DNM1: variants seen among roughly 807,000 people sequenced by gnomAD.
DNM1 encodes the protein dynamin-1.
DNM1 carries 29 observed loss-of-function variants against 104.6 expected under a neutral mutation model. The ratio of observed to expected loss-of-function variants is 0.28; its 90% CI spans 0.21 to 0.38. DNM1 has a LOEUF of 0.38. Ranked by LOEUF, DNM1 falls within the 10% of genes least tolerant of loss-of-function variation. The probability of loss-of-function intolerance (pLI) is 1.00; values close to 1 mark genes in which losing one functional copy is unlikely to be tolerated. For synonymous variants in DNM1, 445 were observed against 475.8 expected (o/e 0.94, Z 0.84); for missense variants, 640 against 1,189.4 (o/e 0.54, Z 6.79).
At chr9:128,246,547 A>G (rs1251929379) in intron 16 of DNM1, 44 bp downstream of exon 16, 1 of 1,446,018 alleles carries the variant, frequency 6.9e-7, no homozygotes, top group Non-Finnish European at 9.7e-7. Flanking sequence ...CCCCAAAACC[A>G]CCCTCACTGA....
Position 128,240,288 on chromosome 9 carries a change from A to G in DNM1, c.1557+292A>G, listed in dbSNP as rs1836284426. 4.4e-6 allele frequency: 2 copies of G among 450,988 alleles called. No homozygotes were observed. Among genetic ancestry groups the G allele is most frequent in the Non-Finnish European group, 4.0e-6 (1 of 249,966 alleles). The allele number at this position is 450,988 out of a possible 1,614,324, so 27.9% of individuals were successfully genotyped here. A position where few individuals can be genotyped will look rare whatever the true frequency, so the allele number is the denominator to read the frequency against. ...TAGGTGCTCCTTAAACATCTGCTGGATGGAGGGATGCACGTGAGCAAGACA... is the reference window on the plus strand; with the variant it reads ...TAGGTGCTCCTTAAACATCTGCTGGGTGGAGGGATGCACGTGAGCAAGACA... On this transcript the variant is annotated intron_variant, in intron 14 of 21. Coordinates refer to ENST00000372923, the MANE Select transcript of DNM1 (RefSeq NM_004408.4). The surrounding 1 kb of genome is among the most constrained non-coding windows in gnomAD (Gnocchi z 5.1).
rs1554773878 is a variant in DNM1 at position 128,220,885 on chromosome 9, T to TTTCTTTC, written c.849+546_849+547insCTTTCTT. ...CCTCTATTTCTTTTTTCTTTATTTG[T>TTTCTTTC]TTTCTTTCTTTCTTTCTTTCTTTCT... On this transcript the variant is annotated intron_variant, in intron 6 of 21. Transcript: ENST00000372923. The surrounding 1 kb of genome is among the most constrained non-coding windows in gnomAD (Gnocchi z 5.2). Among the ~76,000 whole-genome samples, 2 of 117,526 alleles carry TTTCTTTC rather than the reference T, an allele frequency of 1.7e-5. No individual in the cohort carries two copies. Among genetic ancestry groups the TTTCTTTC allele is most frequent in the Non-Finnish European group, 3.5e-5 (2 of 56,702 alleles). The allele number at this position is 117,526 out of a possible 152,430, so 77.1% of individuals were successfully genotyped here.
chr9:128,216,418 C>G lies in DNM1; in HGVS notation c.162-1813C>G, dbSNP rs552343376. On this transcript the variant is annotated intron_variant, in intron 1 of 21. Transcript: ENST00000372923. ...TAATCTCTATATCAGAGCACAGATT[C>G]GAGGACTTGGAGATTCAATCAGAAT... Among the ~76,000 whole-genome samples, 6 of 152,310 alleles carry G rather than the reference C, an allele frequency of 3.9e-5. No individual in the cohort carries two copies. In the East Asian group the frequency reaches 9.6e-4, roughly 24 times the overall value.
rs779399688 is a variant in DNM1 at position 128,247,896 on chromosome 9, T to C, written c.1894-28T>C. The C allele has an allele frequency of 2.5e-6, 4 of 1,612,128 alleles. No homozygotes were observed. The highest frequency in any genetic ancestry group is 3.4e-6 in the Non-Finnish European group (4 of 1,178,788). On this transcript the variant is annotated intron_variant, in intron 17 of 21. Coordinates refer to ENST00000372923, the MANE Select transcript of DNM1 (RefSeq NM_004408.4). The surrounding 1 kb of genome is among the most constrained non-coding windows in gnomAD (Gnocchi z 5.1). ...CTGTGCTCCCTGGTGGTGGCGGCGGTGGCAATGTTGGTGTGTGGGCCTCCC... is the reference window on the plus strand; with the variant it reads ...CTGTGCTCCCTGGTGGTGGCGGCGGCGGCAATGTTGGTGTGTGGGCCTCCC...
At chr9:128,205,445 G>A (rs1042825828) in intron 1 of DNM1, among the ~76,000 whole-genome samples, 3 of 152,300 alleles carry the variant, frequency 2.0e-5, no homozygotes, top group African/African-American at 7.2e-5. Flanking sequence ...TCCTACAGAT[G>A]AGGAAACTGA....
intron 20 of DNM1, 93 bp downstream of exon 20, chr9:128,250,449 G>C: frequency 3.0e-6 from 4 of 1,352,232 alleles, no homozygotes; most frequent in African/African-American, 1.5e-5. Context: ...CCGCGTCACC[G>C]GGGTGGCTCC....
rs1422430948 is a variant in DNM1, at chr9:128,240,673, C to T, written c.1557+677C>T. The T allele has an allele frequency of 2.0e-5, 3 of 152,612 alleles. No individual in the cohort carries two copies. The highest frequency in any genetic ancestry group is 4.4e-5 in the Non-Finnish European group (3 of 68,378). 9.5% of individuals were successfully genotyped at this position (152,612 alleles called of 1,614,324 possible). A position where few individuals can be genotyped will look rare whatever the true frequency, so the allele number is the denominator to read the frequency against. Reference sequence around the variant, plus strand: ...AGCCTGGCACGCAGTAGGTGCTCAACAGAATGAAGGGAGGAATGAATGTAG... The same window carrying T: ...AGCCTGGCACGCAGTAGGTGCTCAATAGAATGAAGGGAGGAATGAATGTAG... On this transcript the variant is annotated intron_variant, in intron 14 of 21. Coordinates refer to ENST00000372923, the MANE Select transcript of DNM1 (RefSeq NM_004408.4). This position sits in a 1 kb window ranked among gnomAD's most constrained non-coding sequence, Gnocchi z 5.1.
intron 16 of DNM1, 110 bp downstream of exon 16, chr9:128,246,613 G>A: frequency 1.4e-6 from 1 of 735,072 alleles, no homozygotes; most frequent in Non-Finnish European, 2.4e-6. Flanking sequence ...AGGCCCCACA[G>A]CAAGCCATCC....
chr9:128,207,979 C>T (rs1028205380), intron 1 of DNM1, among the ~76,000 whole-genome samples: 2 of 152,132 alleles, frequency 1.3e-5, no homozygotes, highest in East Asian at 1.9e-4. Flanking sequence ...TAGGTTTCCC[C>T]GTAACTCTGC....
rs1834789165 is a variant in DNM1, at chr9:128,219,101, G to A, written c.438G>A (p.Gly146=). The A allele has an allele frequency of 6.2e-7, 1 of 1,614,020 alleles. No individual in the cohort carries two copies. Among genetic ancestry groups the A allele is most frequent in the African/African-American group, 1.3e-5 (1 of 74,930 alleles). The change falls in exon 4 of 22, where the codon GGG becomes GGA. Residue 146 remains glycine, a synonymous_variant. Coordinates refer to ENST00000372923, the MANE Select transcript of DNM1 (RefSeq NM_004408.4). Reference sequence around the variant, plus strand: ...CCGGAATGACCAAGGTCCCGGTGGGGGACCAACCTCCCGACATCGAGTTCC... The same window carrying A: ...CCGGAATGACCAAGGTCCCGGTGGGAGACCAACCTCCCGACATCGAGTTCC... ...DLPGMTKVPV[G]DQPPDIEFQI...
intron 12 of DNM1, 101 bp from the exon 13 acceptor site, chr9:128,239,627 G>A (rs1406607976): frequency 1.6e-6 from 2 of 1,270,382 alleles, no homozygotes; most frequent in African/African-American, 3.0e-5. Flanking sequence ...TAGAGCCCAG[G>A]TCTGCTAGGT....
rs902072300 is a variant in DNM1, at chr9:128,255,042, G to A, written c.*328G>A. ...TGTGGCCCAACTACCAGAGAACGCT[G>A]TCCCCCGACATCCCACTCCAAAGTG... On this transcript the variant is annotated 3_prime_UTR_variant, in exon 22 of 22. Coordinates refer to ENST00000372923, the MANE Select transcript of DNM1 (RefSeq NM_004408.4). 1.8e-5 allele frequency: 4 copies of A among 217,622 alleles called. No individual in the cohort carries two copies. The highest frequency in any genetic ancestry group is 6.2e-5 in the Admixed American group (1 of 16,188). The allele number at this position is 217,622 out of a possible 1,614,324, so 13.5% of individuals were successfully genotyped here. A position where few individuals can be genotyped will look rare whatever the true frequency, so the allele number is the denominator to read the frequency against.
At position 128,203,397 on chromosome 9, in the gene DNM1, C is replaced by T. The variant is rs897457074; in HGVS notation, c.-74C>T. On this transcript the variant is annotated 5_prime_UTR_variant, in exon 1 of 22. Coordinates refer to ENST00000372923, the MANE Select transcript of DNM1 (RefSeq NM_004408.4). This position sits in a 1 kb window ranked among gnomAD's most constrained non-coding sequence, Gnocchi z 5.3. ...CGCAGGCAGTCTGGGCGCGCGGCTG[C>T]AGCGGCGGAGCCGGAGTCGGAGCCG... 7.6e-6 allele frequency: 10 copies of T among 1,313,568 alleles called. No homozygotes were observed. The African/African-American group carries it at 1.4e-4, about 18-fold the overall frequency. The allele number at this position is 1,313,568 out of a possible 1,614,324, so 81.4% of individuals were successfully genotyped here. A position where few individuals can be genotyped will look rare whatever the true frequency, so the allele number is the denominator to read the frequency against.
In DNM1 at chr9:128,234,050, G is replaced by A; in HGVS notation, c.1365G>A (p.Glu455=). The change falls in exon 11 of 22, where the codon GAG becomes GAA. Residue 455 remains glutamate, a synonymous_variant. Transcript: ENST00000372923. ...AGCAGTACCCGCGGCTACGGGAGGA[G>A]ATGGAGCGCATCGTGACCACCCACA... ...KLQQYPRLRE[E]MERIVTTHIR... is the part of the protein sequence containing the mutation. 6.3e-7 allele frequency: 1 copy of A among 1,578,230 alleles called. No homozygotes were observed. The highest frequency in any genetic ancestry group is 8.6e-7 in the Non-Finnish European group (1 of 1,162,756).
In DNM1 at chr9:128,215,432, C is replaced by G. The variant is rs76573526; in HGVS notation, c.162-2799C>G. Among the ~76,000 whole-genome samples the G allele has an allele frequency of 3.1e-3, 473 of 152,392 alleles. 1 individual carries two copies. Among genetic ancestry groups the G allele is most frequent in the African/African-American group, 0.011 (457 of 41,588 alleles). On this transcript the variant is annotated intron_variant, in intron 1 of 21. Coordinates refer to ENST00000372923, the MANE Select transcript of DNM1 (RefSeq NM_004408.4). ...TGATGCAGGCCGCGTGAGGGCCTCA[C>G]TTTGAGAACCTGGGCCATGACAGAG...
chr9:128,207,223 C>A (rs1013328359), intron 1 of DNM1, among the ~76,000 whole-genome samples: 2 of 152,034 alleles, frequency 1.3e-5, no homozygotes, highest in Non-Finnish European at 1.5e-5. Flanking sequence ...GCCTGTTAGA[C>A]TTCTAAGTGG....
chr9:128,249,513 G>A (rs576121614), intron 19 of DNM1, among the ~76,000 whole-genome samples: 166 of 151,758 alleles, frequency 1.1e-3, no homozygotes, highest in African/African-American at 3.7e-3. Context: ...AAAATTAGCC[G>A]GGCGTGGTGG....
At chr9:128,210,690 G>A (rs900251867) in intron 1 of DNM1, among the ~76,000 whole-genome samples, 3 of 152,074 alleles carry the variant, frequency 2.0e-5, no homozygotes, top group African/African-American at 7.2e-5. Context: ...GAGAGCGTAG[G>A]GAACCTGCCT....
At chr9:128,229,285 C>G (rs1469428222) in intron 10 of DNM1, among the ~76,000 whole-genome samples, 5 of 150,862 alleles carry the variant, frequency 3.3e-5, no homozygotes, top group Non-Finnish European at 2.9e-5. Context: ...GTCCTTGCTA[C>G]TTGGGAGGCT....
Sources: gnomAD v4.1 joint callset for allele counts (sites outside exome capture counted in the v4.1 genomes callset) on GRCh38, gnomAD v4.1.1 for gene constraint, Gnocchi (gnomAD v3.1) non-coding constraint, MANE v1.5 for transcripts, NCBI Gene and HGNC (gene_info 2026-07-23, HGNC 2026-07-21) for gene names.